The following LRRC4C variants were observed in gnomAD, a reference collection of about 807,000 sequenced individuals.
The protein encoded by LRRC4C is leucine-rich repeat-containing protein 4C.
In LRRC4C, 5 loss-of-function variants were observed where a neutral mutation model predicts 33.6. The ratio of observed to expected loss-of-function variants is 0.15; its 90% CI spans 0.08 to 0.31. The LOEUF is 0.31. Ranked by LOEUF, LRRC4C falls within the 10% of genes least tolerant of loss-of-function variation. The pLI is 1.00. For missense variants in LRRC4C, 560 were observed against 796.7 expected (o/e 0.70, Z 3.58); for synonymous variants, 329 against 302.0 (o/e 1.09, Z -0.93).
chr11:40,480,158 C>A (rs1400023493), intron 3 of LRRC4C, among the ~76,000 whole-genome samples: 3 of 151,984 alleles, frequency 2.0e-5, no homozygotes, highest in Non-Finnish European at 4.4e-5. Context: ...TAAAAGTGTT[C>A]ATGTTTGAAT....
intron 2 of LRRC4C, among the ~76,000 whole-genome samples, chr11:40,768,047 G>A (rs573661554): frequency 3.4e-4 from 52 of 151,960 alleles, no homozygotes; most frequent in Middle Eastern, 3.4e-3. Flanking sequence ...GTTTTTTAAT[G>A]GAAAGATAAA....
At chr11:41,219,706 T>A (rs1364271215) in intron 1 of LRRC4C, among the ~76,000 whole-genome samples, 4 of 152,230 alleles carry the variant, frequency 2.6e-5, no homozygotes, top group African/African-American at 9.6e-5. Flanking sequence ...GGTGTTGACC[T>A]TATTCAGCTC....
intron 1 of LRRC4C, among the ~76,000 whole-genome samples, chr11:41,374,383 C>T (rs1014307091): frequency 2.0e-4 from 31 of 152,024 alleles, no homozygotes; most frequent in African/African-American, 5.8e-4. Context: ...TAAAAAAAAA[C>T]TTTTGTTCCA....
At chr11:40,360,065 G>T (rs953050839) in intron 3 of LRRC4C, among the ~76,000 whole-genome samples, 1 of 152,100 alleles carries the variant, frequency 6.6e-6, no homozygotes, top group African/African-American at 2.4e-5. Context: ...AAAATTGTAT[G>T]CCTCCATAAC....
At chr11:40,933,466 A>G (rs1189005794) in intron 2 of LRRC4C, among the ~76,000 whole-genome samples, 169 bp downstream of exon 2, 4 of 152,224 alleles carry the variant, frequency 2.6e-5, no homozygotes, top group African/African-American at 9.6e-5. Flanking sequence ...GTTTAAAGCT[A>G]TTATTGTTGC....
At chr11:40,900,934 T>G (rs1956169623) in intron 2 of LRRC4C, among the ~76,000 whole-genome samples, 1 of 152,074 alleles carries the variant, frequency 6.6e-6, no homozygotes, top group African/African-American at 2.4e-5. Context: ...TTATCTGTCA[T>G]TTTCTATACT....
intron 1 of LRRC4C, among the ~76,000 whole-genome samples, chr11:41,273,831 G>A (rs1453808983): frequency 6.6e-6 from 1 of 152,162 alleles, no homozygotes; most frequent in East Asian, 1.9e-4. Context: ...GGCATCACAG[G>A]TGTGAGAATA....
At chr11:41,276,922 A>G (rs1240518696) in intron 1 of LRRC4C, among the ~76,000 whole-genome samples, 1 of 152,200 alleles carries the variant, frequency 6.6e-6, no homozygotes, top group Non-Finnish European at 1.5e-5. Context: ...CATCCTAGTT[A>G]TAGCCAAGTG....
At chr11:41,050,658 T>C (rs1013562448) in intron 1 of LRRC4C, among the ~76,000 whole-genome samples, 1 of 152,234 alleles carries the variant, frequency 6.6e-6, no homozygotes, top group African/African-American at 2.4e-5. Flanking sequence ...TTCTATGGTG[T>C]AAATGTGCCA....
chr11:41,425,848 T>G (rs1955019835), intron 1 of LRRC4C, among the ~76,000 whole-genome samples: 1 of 152,128 alleles, frequency 6.6e-6, no homozygotes, highest in African/African-American at 2.4e-5. Flanking sequence ...TTCAAGCAGC[T>G]GTTTCCATGA....
intron 2 of LRRC4C, among the ~76,000 whole-genome samples, chr11:40,917,246 G>T (rs1025097717): frequency 6.6e-6 from 1 of 152,094 alleles, no homozygotes; most frequent in Non-Finnish European, 1.5e-5. Flanking sequence ...ATGTGGCTAG[G>T]AAAAGGGTAG....
chr11:40,933,142 AT>A (rs758789871), intron 2 of LRRC4C, among the ~76,000 whole-genome samples: 11 of 152,354 alleles, frequency 7.2e-5, no homozygotes, highest in Admixed American at 2.6e-4. Context: ...TAAAGGAAGG[AT>A]AAATTATGAG....
At chr11:41,364,635 T>C (rs1464649706) in intron 1 of LRRC4C, among the ~76,000 whole-genome samples, 2 of 152,152 alleles carry the variant, frequency 1.3e-5, no homozygotes, top group African/African-American at 4.8e-5. Flanking sequence ...AATAAAACTT[T>C]ATTATATAAG....
At chr11:40,282,380 A>C (rs549707085) in intron 4 of LRRC4C, among the ~76,000 whole-genome samples, 1 of 152,082 alleles carries the variant, frequency 6.6e-6, no homozygotes, top group South Asian at 2.1e-4. Flanking sequence ...AAAAAACCCC[A>C]AAAACTTCCC....
intron 1 of LRRC4C, among the ~76,000 whole-genome samples, chr11:41,295,347 G>A (rs774720152): frequency 6.6e-5 from 10 of 151,850 alleles, no homozygotes; most frequent in Admixed American, 2.6e-4. Flanking sequence ...TACAATATGC[G>A]GTAAAAAAAA....
Position 40,705,285 on chromosome 11 carries a change from C to T in LRRC4C, c.-406-57007G>A, listed in dbSNP as rs545605495. On this transcript the variant is annotated intron_variant, in intron 2 of 6. Transcript: ENST00000528697. ...GGTTTGTTACGTATGTATATATGTGCCTCTTTGGTTTGCTGCACCCATTAA... is the reference window on the plus strand; with the variant it reads ...GGTTTGTTACGTATGTATATATGTGTCTCTTTGGTTTGCTGCACCCATTAA... 3.9e-5 allele frequency among the ~76,000 whole-genome samples: 6 copies of T among 152,020 alleles called. No individual in the cohort carries two copies. In the South Asian group the frequency reaches 1.2e-3, roughly 32 times the overall value.
rs889411561 is a variant in LRRC4C at position 40,777,506 on chromosome 11, T to C, written c.-406-129228A>G. On this transcript the variant is annotated intron_variant, in intron 2 of 6. Transcript: ENST00000528697. ...TCTTTGTCCTTTTTTACTGTTTTTTTTTTTTTTTTTTGTTTAAAGTTTGTT... is the reference window on the plus strand; with the variant it reads ...TCTTTGTCCTTTTTTACTGTTTTTTCTTTTTTTTTTTGTTTAAAGTTTGTT... Among the ~76,000 whole-genome samples, 204 of 151,624 alleles carry C rather than the reference T, an allele frequency of 1.3e-3. 1 individual carries two copies. In the Middle Eastern group the frequency reaches 0.014, roughly 10 times the overall value.
intron 2 of LRRC4C, among the ~76,000 whole-genome samples, chr11:40,767,687 C>T (rs1949540235): frequency 6.6e-6 from 1 of 151,854 alleles, no homozygotes; most frequent in Admixed American, 6.6e-5. Flanking sequence ...AGTATACAAA[C>T]ACACAGAAAG....
intron 1 of LRRC4C, among the ~76,000 whole-genome samples, chr11:41,172,603 T>C (rs947399634): frequency 6.6e-6 from 1 of 152,180 alleles, no homozygotes; most frequent in Non-Finnish European, 1.5e-5. Context: ...TTCTCAGCTC[T>C]TACACCATTA....
Sources: allele counts gnomAD v4.1 joint callset (sites outside exome capture counted in the v4.1 genomes callset), GRCh38; gene constraint gnomAD v4.1.1; transcripts MANE v1.5; gene names NCBI Gene and HGNC (gene_info 2026-07-23, HGNC 2026-07-21).